GPHN: variants seen among roughly 807,000 people sequenced by gnomAD.
GPHN encodes gephyrin.
GPHN carries 17 observed loss-of-function variants against 95.5 expected under a neutral mutation model. The ratio of observed to expected loss-of-function variants is 0.18; its 90% confidence interval spans 0.12 to 0.27. GPHN has a LOEUF of 0.27. GPHN is among the 10% of genes least tolerant of loss of function. GPHN has a pLI of 1.00. For missense variants in GPHN, 660 were observed against 978.1 expected (o/e 0.67, Z 4.34); for synonymous variants, 320 against 322.5 (o/e 0.99, Z 0.08).
chr14:66,686,900 C>G (rs964900540), intron 2 of GPHN, among the ~76,000 whole-genome samples: 2 of 152,004 alleles, frequency 1.3e-5, no homozygotes, highest in Non-Finnish European at 2.9e-5. Flanking sequence ...TCATAAATAG[C>G]TATTATTGTT....
At chr14:67,595,999 G>T in the GPHN span, among the ~76,000 whole-genome samples, 1 of 152,130 alleles carries the variant, frequency 6.6e-6, no homozygotes, top group Non-Finnish European at 1.5e-5. Context: ...TCAAAAAATG[G>T]TGTCTATTAT....
the GPHN span, chr14:67,580,135 A>G: frequency 2.5e-6 from 1 of 403,910 alleles, no homozygotes; most frequent in South Asian, 3.3e-5. Flanking sequence ...GTCCAGAAGA[A>G]AAGCCTCTTC....
the GPHN span, among the ~76,000 whole-genome samples, chr14:67,220,374 C>T: frequency 6.6e-6 from 1 of 150,928 alleles, no homozygotes; most frequent in Admixed American, 6.6e-5. Context: ...GCTGGGAGGT[C>T]AAGGCTGCAA....
At chr14:67,365,134 A>C in the GPHN span, 1 of 1,054,386 alleles carries the variant, frequency 9.5e-7, no homozygotes. Flanking sequence ...AACCTTTTAC[A>C]TACAAAGTTG....
At chr14:66,854,699 C>G (rs1466987590) in intron 4 of GPHN, among the ~76,000 whole-genome samples, 2 of 152,090 alleles carry the variant, frequency 1.3e-5, no homozygotes, top group Non-Finnish European at 2.9e-5. Context: ...GCTATATCAT[C>G]TTTTGTTTAA....
At chr14:67,310,839 A>G in the GPHN span, among the ~76,000 whole-genome samples, 2 of 152,178 alleles carry the variant, frequency 1.3e-5, no homozygotes, top group African/African-American at 2.4e-5. Flanking sequence ...CTGTCTATCT[A>G]TCTATCTATG....
At chr14:67,200,793 T>C in the GPHN span, among the ~76,000 whole-genome samples, 35,761 of 152,146 alleles carry the variant, frequency 0.24, 5,865 homozygotes, top group East Asian at 0.44. Flanking sequence ...CATCCTGTGC[T>C]GTTTCCAAGT....
chr14:66,820,135 A>C (rs907842026), intron 3 of GPHN, among the ~76,000 whole-genome samples: 2 of 152,146 alleles, frequency 1.3e-5, no homozygotes, highest in African/African-American at 4.8e-5. Flanking sequence ...TATGAAAGAT[A>C]AGGATATTTG....
At chr14:67,467,820 CTT>C in the GPHN span, 4 of 152,124 alleles carry the variant, frequency 2.6e-5, no homozygotes, top group African/African-American at 9.7e-5. Flanking sequence ...GTGGCCGACT[CTT>C]TGCCAACAGA....
the GPHN span, among the ~76,000 whole-genome samples, chr14:67,632,219 T>C: frequency 6.6e-6 from 1 of 152,204 alleles, no homozygotes; most frequent in Non-Finnish European, 1.5e-5. Context: ...TTTTTCCTCC[T>C]AACTGCAAAC....
Position 67,043,032 on chromosome 14 carries a change from T to C in GPHN, c.1007-15617T>C, listed in dbSNP as rs147537488. Among the ~76,000 whole-genome samples the C allele has an allele frequency of 7.1e-3, 1,078 of 152,314 alleles. 5 individuals are homozygous for C. The highest frequency in any genetic ancestry group is 0.025 in the African/African-American group (1,029 of 41,566). On this transcript the variant is annotated intron_variant, in intron 10 of 22. Transcript: ENST00000478722. ...TTCACTCATGATTTGGCTCTCTGTT[T>C]GTCTGTTATTAGGGTATAGAATGCT...
At chr14:66,872,728 T>C (rs1234248698) in intron 4 of GPHN, among the ~76,000 whole-genome samples, 2 of 152,042 alleles carry the variant, frequency 1.3e-5, no homozygotes, top group Non-Finnish European at 2.9e-5. Flanking sequence ...AAACCCCATC[T>C]CTACTAAAAG....
chr14:66,739,806 T>C lies in GPHN; in HGVS notation c.144-36658T>C, dbSNP rs145077967. On this transcript the variant is annotated intron_variant, in intron 2 of 22. Coordinates refer to ENST00000478722, the MANE Select transcript of GPHN (RefSeq NM_020806.5). ...ACATAGACATTAAATATTGGAATGATTGGATATAGAGTAAAAAACAACTAT... is the reference window on the plus strand; with the variant it reads ...ACATAGACATTAAATATTGGAATGACTGGATATAGAGTAAAAAACAACTAT... 5.9e-5 allele frequency among the ~76,000 whole-genome samples: 9 copies of C among 152,114 alleles called. No individual in the cohort carries two copies. In the East Asian group the frequency reaches 1.5e-3, roughly 26 times the overall value.
the GPHN span, chr14:67,323,615 AATATATATATAT>A: frequency 3.9e-6 from 1 of 258,784 alleles, no homozygotes; most frequent in Admixed American, 5.9e-5. Flanking sequence ...CCCTTAATCT[AATATATATATAT>A]ATATATATAT....
the GPHN span, among the ~76,000 whole-genome samples, chr14:67,319,724 C>T: frequency 6.6e-6 from 1 of 152,130 alleles, no homozygotes; most frequent in Admixed American, 6.6e-5. Context: ...TCATGGGCCA[C>T]GGGTTGGACG....
intron 4 of GPHN, among the ~76,000 whole-genome samples, chr14:66,860,078 G>A (rs2062964217): frequency 6.6e-6 from 1 of 152,036 alleles, no homozygotes. Flanking sequence ...TAATATGAGA[G>A]AACTTCCAAA....
chr14:67,690,618 T>C, the GPHN span: 3 of 577,728 alleles, frequency 5.2e-6, no homozygotes, highest in South Asian at 6.0e-5. Context: ...GGCATCCTTA[T>C]ATGAGCGAGA....
chr14:67,219,595 T>C, the GPHN span, among the ~76,000 whole-genome samples: 3 of 152,216 alleles, frequency 2.0e-5, no homozygotes, highest in African/African-American at 7.2e-5. Flanking sequence ...AGAATAACTT[T>C]GTTAGGATGA....
the GPHN span, among the ~76,000 whole-genome samples, chr14:67,190,132 C>G: frequency 7.2e-6 from 1 of 139,496 alleles, no homozygotes; most frequent in African/African-American, 2.7e-5. Context: ...CCAGGCTGGT[C>G]TTTAACTCCT....
Sources: gnomAD v4.1 joint callset for allele counts (sites outside exome capture counted in the v4.1 genomes callset) on GRCh38, gnomAD v4.1.1 for gene constraint, MANE v1.5 for transcripts, NCBI Gene and HGNC (gene_info 2026-07-23, HGNC 2026-07-21) for gene names.